NEK10: variants seen among roughly 807,000 people sequenced by gnomAD.
The protein encoded by NEK10 is NIMA related kinase 10, also known as serine/threonine-protein kinase Nek10.
Under a neutral mutation model 159.8 loss-of-function variants are expected in NEK10, and 122 were observed. That is an observed-to-expected ratio of 0.76 (90% CI 0.66 to 0.89). The LOEUF (loss-of-function observed/expected upper bound fraction) is 0.89. NEK10 is among the 40% of genes least tolerant of loss of function. The probability of loss-of-function intolerance (pLI) is 0.00; values close to 1 mark genes in which losing one functional copy is unlikely to be tolerated. For missense variants in NEK10, 1,342 were observed against 1,323.1 expected, an observed-to-expected ratio of 1.01 and a Z score of -0.22; for synonymous variants, 466 against 457.1, an observed-to-expected ratio of 1.02 and a Z score of -0.25.
intron 22 of NEK10, among the ~76,000 whole-genome samples, chr3:27,276,074 C>T (rs1006093508): frequency 1.3e-5 from 2 of 152,114 alleles, no homozygotes; most frequent in African/African-American, 4.8e-5. Context: ...ACCTCAATCT[C>T]TGCTCCCTAT....
At chr3:27,263,786 C>T (rs376514932) in intron 22 of NEK10, among the ~76,000 whole-genome samples, 2 of 152,292 alleles carry the variant, frequency 1.3e-5, no homozygotes, top group East Asian at 3.9e-4. Context: ...ATGCCTCGCC[C>T]TGCTTTGGCT....
At chr3:27,209,047 C>T (rs1263562511) in intron 23 of NEK10, among the ~76,000 whole-genome samples, 1 of 152,188 alleles carries the variant, frequency 6.6e-6, no homozygotes, top group Non-Finnish European at 1.5e-5. Flanking sequence ...ACACCTTTAA[C>T]ACAAATTTGA....
chr3:27,333,721 C>G (rs918808253), intron 5 of NEK10, among the ~76,000 whole-genome samples: 1 of 151,212 alleles, frequency 6.6e-6, no homozygotes, highest in African/African-American at 2.4e-5. Flanking sequence ...AGGCTACAAC[C>G]AGGGCTGAGC....
chr3:27,308,753 T>G (rs1442983535), intron 10 of NEK10, among the ~76,000 whole-genome samples, 173 bp downstream of exon 10: 1 of 152,202 alleles, frequency 6.6e-6, no homozygotes. Context: ...CCTTTCCAGT[T>G]TAAATTTTTA....
Position 27,192,024 on chromosome 3 carries a change from CT to C in NEK10, c.2505+4del. 6.2e-7 allele frequency: 1 copy of C among 1,613,920 alleles called. No homozygotes were observed. Among genetic ancestry groups the C allele is most frequent in the Non-Finnish European group, 8.5e-7 (1 of 1,179,790 alleles). On this transcript the variant is annotated splice_donor_region_variant and intron_variant, in intron 26 of 35. Transcript: ENST00000691995. ...TCATGAACCGATTGAAATATTTGCA[CT>C]TACGTGAGATAGAACAGCCAGCTCA...
At chr3:27,296,612 C>G (rs762007700) in intron 14 of NEK10, among the ~76,000 whole-genome samples, 1 of 152,004 alleles carries the variant, frequency 6.6e-6, no homozygotes, top group Non-Finnish European at 1.5e-5. Flanking sequence ...GTGATAGAAA[C>G]CCATACAAGG....
intron 5 of NEK10, among the ~76,000 whole-genome samples, chr3:27,343,234 T>A (rs1282439943): frequency 2.0e-5 from 3 of 152,290 alleles, no homozygotes; most frequent in African/African-American, 7.2e-5. Flanking sequence ...TAATACTAAA[T>A]GACCCCATCT....
At chr3:27,310,743 AG>A in intron 9 of NEK10, 1 of 405,670 alleles carries the variant, frequency 2.5e-6, no homozygotes, top group Non-Finnish European at 4.3e-6. Flanking sequence ...AAAGAGTTCC[AG>A]AAAACTTGTA....
rs116777745 is a variant in NEK10, at chr3:27,264,459, A to T, written c.2015-8088T>A. On this transcript the variant is annotated intron_variant, in intron 22 of 35. Transcript: ENST00000691995. ...AATACATAATGATCAAGTGGGGTTT[A>T]TGCCAGGAATACAAGGCTAATTTGA... 8.7e-3 allele frequency among the ~76,000 whole-genome samples: 1,326 copies of T among 152,340 alleles called. 20 individuals carry two copies. Among genetic ancestry groups the T allele is most frequent in the African/African-American group, 0.029 (1,218 of 41,582 alleles).
At chr3:27,316,058 G>GAAAAA (rs1055121885) in intron 6 of NEK10, among the ~76,000 whole-genome samples, 5 of 152,176 alleles carry the variant, frequency 3.3e-5, no homozygotes, top group African/African-American at 1.2e-4. Flanking sequence ...GCATTACTGG[G>GAAAAA]AAAAAATGTT....
intron 28 of NEK10, among the ~76,000 whole-genome samples, chr3:27,172,758 T>C (rs1028143702): frequency 6.6e-6 from 1 of 152,122 alleles, no homozygotes; most frequent in African/African-American, 2.4e-5. Context: ...ATATATTATA[T>C]ATCAGAAAAA....
intron 20 of NEK10, among the ~76,000 whole-genome samples, chr3:27,286,647 C>G (rs986826600): frequency 1.5e-4 from 23 of 150,972 alleles, no homozygotes; most frequent in African/African-American, 5.6e-4. Flanking sequence ...GCCTCGGCCT[C>G]CCAAAATGCT....
chr3:27,141,632 AT>A, intron 30 of NEK10, 50 bp from the exon 31 acceptor site: 1 of 1,402,056 alleles, frequency 7.1e-7, no homozygotes, highest in Non-Finnish European at 1.0e-6. Flanking sequence ...CAAAAGTTAC[AT>A]TAGTGAAAAA....
At chr3:27,287,152 A>AAG (rs1361377903) in intron 20 of NEK10, among the ~76,000 whole-genome samples, 1 of 151,828 alleles carries the variant, frequency 6.6e-6, no homozygotes, top group Non-Finnish European at 1.5e-5. Flanking sequence ...AAAAAAAAAA[A>AAG]AAAGAGTGGC....
Position 27,308,933 on chromosome 3 carries a change from C to T in NEK10, c.709G>A (p.Ala237Thr), listed in dbSNP as rs1559476068. Residue 237 changes from alanine (A) to threonine (T), a missense_variant, in exon 10 of 36, where the codon GCA becomes ACA. Coordinates refer to ENST00000691995, the MANE Select transcript of NEK10 (RefSeq NM_001394966.1). ...LGSLLALASL[A>T]ESQECREKIS... is the part of the protein sequence containing the mutation. ...TTAGAATACACTACTTACCTTTCTG[C>T]TAAACTAGCCAGAGCCAGAAGGGAA... The T allele has an allele frequency of 4.4e-6, 7 of 1,575,000 alleles. No individual in the cohort carries two copies. Among genetic ancestry groups the T allele is most frequent in the African/African-American group, 1.3e-5 (1 of 74,174 alleles).
intron 1 of NEK10, among the ~76,000 whole-genome samples, chr3:27,362,949 C>G (rs998354155): frequency 1.3e-5 from 2 of 152,092 alleles, no homozygotes; most frequent in African/African-American, 4.8e-5. Flanking sequence ...TAAAAGCACT[C>G]TTTTTATGGT....
intron 22 of NEK10, among the ~76,000 whole-genome samples, chr3:27,273,916 A>G (rs556785570): frequency 4.7e-5 from 7 of 148,644 alleles, no homozygotes; most frequent in Admixed American, 2.0e-4. Flanking sequence ...TTTTCCCTCA[A>G]CGAACCCCTG....
At chr3:27,252,641 G>C (rs1004659797) in intron 23 of NEK10, among the ~76,000 whole-genome samples, 2 of 152,118 alleles carry the variant, frequency 1.3e-5, no homozygotes, top group African/African-American at 4.8e-5. Context: ...TGAAGGAAAA[G>C]TACATAGAGT....
At chr3:27,332,607 A>T (rs1287795768) in intron 5 of NEK10, among the ~76,000 whole-genome samples, 13 of 152,258 alleles carry the variant, frequency 8.5e-5, no homozygotes, top group Admixed American at 5.2e-4. Flanking sequence ...TGTTTCACAA[A>T]TACATAATAT....
Sources: gnomAD v4.1 joint callset for allele counts (sites outside exome capture counted in the v4.1 genomes callset) on GRCh38, gnomAD v4.1.1 for gene constraint, MANE v1.5 for transcripts, NCBI Gene and HGNC (gene_info 2026-07-23, HGNC 2026-07-21) for gene names.